BCAS3: variants seen among roughly 807,000 people sequenced by gnomAD.
The protein encoded by BCAS3 is BCAS4/BCAS3 fusion.
In BCAS3, 53 loss-of-function variants were observed where a neutral mutation model predicts 116.1. The observed-to-expected ratio is 0.46, with a 90% CI of 0.37 to 0.57. The LOEUF (loss-of-function observed/expected upper bound fraction) is 0.57. Among genes scored for constraint, BCAS3 ranks in the 20% least tolerant of loss-of-function variants. The pLI, the probability that BCAS3 is intolerant of heterozygous loss-of-function variation, is 0.00. For missense variants in BCAS3, 917 were observed against 1,165.4 expected (o/e 0.79, Z 3.10); for synonymous variants, 391 against 408.2 (o/e 0.96, Z 0.51).
At chr17:61,107,677 A>G (rs574572287) in intron 22 of BCAS3, among the ~76,000 whole-genome samples, 2 of 152,310 alleles carry the variant, frequency 1.3e-5, no homozygotes, top group African/African-American at 4.8e-5. Flanking sequence ...AAGTTATTGC[A>G]TGTATCAATA....
At chr17:61,310,724 C>T (rs1377586021) in intron 22 of BCAS3, among the ~76,000 whole-genome samples, 1 of 152,146 alleles carries the variant, frequency 6.6e-6, no homozygotes, top group Non-Finnish European at 1.5e-5. Context: ...GGCCTCTGTG[C>T]CCCGCCCTCC....
intron 22 of BCAS3, among the ~76,000 whole-genome samples, chr17:61,129,669 G>A (rs980177855): frequency 3.3e-5 from 5 of 152,210 alleles, no homozygotes; most frequent in African/African-American, 4.8e-5. Context: ...GCCCTTGGCT[G>A]TGCTGTTGGA....
chr17:61,015,624 G>C, intron 15 of BCAS3, 127 bp from the exon 16 acceptor site: 1 of 905,286 alleles, frequency 1.1e-6, no homozygotes, highest in East Asian at 2.4e-5. Context: ...AATTCTCTTG[G>C]CATCAATTCT....
Position 61,105,233 on chromosome 17 carries a change from G to A in BCAS3, c.2425+20669G>A, listed in dbSNP as rs2074568133. On this transcript the variant is annotated intron_variant, in intron 22 of 23. Transcript: ENST00000407086. This position sits in a 1 kb window ranked among gnomAD's most constrained non-coding sequence, Gnocchi z 4.3. Reference sequence around the variant, plus strand: ...ACCAGCCCAGTTTTCCACTCAGGTGGTTTACCCCAAAACCTGGCCTTTGCT... The same window carrying A: ...ACCAGCCCAGTTTTCCACTCAGGTGATTTACCCCAAAACCTGGCCTTTGCT... Among the ~76,000 whole-genome samples, 1 of 152,152 alleles carries A rather than the reference G, an allele frequency of 6.6e-6. No homozygotes were observed.
chr17:61,021,342 G>A lies in BCAS3; in HGVS notation c.1637+5441G>A. Among the ~76,000 whole-genome samples, 1 of 152,174 alleles carries A rather than the reference G, an allele frequency of 6.6e-6. No homozygotes were observed. The highest frequency in any genetic ancestry group is 1.9e-4 in the East Asian group (1 of 5,192). On this transcript the variant is annotated intron_variant, in intron 16 of 23. Transcript: ENST00000407086. This position sits in a 1 kb window ranked among gnomAD's most constrained non-coding sequence, Gnocchi z 4.6. ...CCCAAAGTGCTGGGATTATAGGCAT[G>A]AGCAACCGCACCCGGCCATGTTTAT...
chr17:60,808,108 C>T, intron 7 of BCAS3, 32 bp downstream of exon 7: 1 of 1,402,904 alleles, frequency 7.1e-7, no homozygotes, highest in South Asian at 1.2e-5. Context: ...TTTGTATCAC[C>T]TATTACAAAT....
In BCAS3 at chr17:60,874,654, A is replaced by G; in HGVS notation, c.585-8A>G. On this transcript the variant is annotated splice_polypyrimidine_tract_variant and splice_region_variant and intron_variant, in intron 8 of 23. Coordinates refer to ENST00000407086, the MANE Select transcript of BCAS3 (RefSeq NM_017679.5). The stretch of plus-strand genomic sequence containing the variant: ...TTCTTTCTGTTTTTTTTCTCTCTCT[A>G]ATTTTAGGATCCTTGTCGTAGTCTT... 1 of 1,590,736 alleles carries G rather than the reference A, an allele frequency of 6.3e-7. No individual in the cohort carries two copies. The highest frequency in any genetic ancestry group is 8.6e-7 in the Non-Finnish European group (1 of 1,163,558).
In BCAS3 at chr17:61,122,411, G is replaced by A. The variant is rs142936573; in HGVS notation, c.2425+37847G>A. 7.9e-5 allele frequency among the ~76,000 whole-genome samples: 12 copies of A among 152,310 alleles called. No individual in the cohort carries two copies. The highest frequency in any genetic ancestry group is 7.7e-4 in the East Asian group (4 of 5,176). On this transcript the variant is annotated intron_variant, in intron 22 of 23. Transcript: ENST00000407086. The surrounding 1 kb of genome is among the most constrained non-coding windows in gnomAD (Gnocchi z 4.6). ...TTTCCATCCAGACACTGGCTTAAAT[G>A]AAGGTATACTGAACTTGGAGATGTC...
chr17:61,099,796 G>A (rs144246908), intron 22 of BCAS3, among the ~76,000 whole-genome samples: 277 of 152,238 alleles, frequency 1.8e-3, no homozygotes, highest in Middle Eastern at 6.8e-3. Flanking sequence ...GCTCTTACTA[G>A]GCTAACTTTC....
Position 61,128,254 on chromosome 17 carries a change from G to A in BCAS3, c.2425+43690G>A. 2 of 985,398 alleles carry A rather than the reference G, an allele frequency of 2.0e-6. No homozygotes were observed. The highest frequency in any genetic ancestry group is 2.4e-6 in the Non-Finnish European group (2 of 829,914). The allele number at this position is 985,398 out of a possible 1,614,324, so 61.0% of individuals were successfully genotyped here. A position where few individuals can be genotyped will look rare whatever the true frequency, so the allele number is the denominator to read the frequency against. ...AGCCCATGCAATGAGGACAGCCTAG[G>A]CCGTGTTAGGCTTTGACTTAAATCA... On this transcript the variant is annotated intron_variant, in intron 22 of 23. Coordinates refer to ENST00000407086, the MANE Select transcript of BCAS3 (RefSeq NM_017679.5). The surrounding 1 kb of genome is among the most constrained non-coding windows in gnomAD (Gnocchi z 4.1).
chr17:61,074,978 T>C lies in BCAS3; in HGVS notation c.2088T>C (p.Ala696=), dbSNP rs748244362. The change falls in exon 20 of 24, where the codon GCT becomes GCC. Residue 696 remains alanine (A), a synonymous_variant. Coordinates refer to ENST00000407086, the MANE Select transcript of BCAS3 (RefSeq NM_017679.5). The part of the protein sequence containing the change: ...ITRHGSYDSL[A]SDHSGQEDEE... Reference sequence around the variant, plus strand: ...GACATGGGTCTTACGACAGTTTAGCTTCTGACCATAGTGGACAGGAAGATG... The same window carrying C: ...GACATGGGTCTTACGACAGTTTAGCCTCTGACCATAGTGGACAGGAAGATG... 7 of 1,613,740 alleles carry C rather than the reference T, an allele frequency of 4.3e-6. No individual in the cohort carries two copies. In the East Asian group the frequency reaches 1.1e-4, roughly 26 times the overall value.
At chr17:61,054,422 C>T (rs951663289) in intron 19 of BCAS3, among the ~76,000 whole-genome samples, 1 of 152,126 alleles carries the variant, frequency 6.6e-6, no homozygotes, top group Admixed American at 6.5e-5. Flanking sequence ...GCTGGAGTGC[C>T]GTGGCATGAT....
chr17:60,928,322 T>G (rs2059467766), intron 13 of BCAS3, among the ~76,000 whole-genome samples: 1 of 152,180 alleles, frequency 6.6e-6, no homozygotes, highest in South Asian at 2.1e-4. Flanking sequence ...AAAATAATGA[T>G]TCAGTGCCTG....
chr17:60,829,474 A>G (rs2050725315), intron 7 of BCAS3, among the ~76,000 whole-genome samples: 1 of 149,120 alleles, frequency 6.7e-6, no homozygotes, highest in Non-Finnish European at 1.5e-5. Flanking sequence ...AGCGTGGACA[A>G]TAGAGCAAGA....
intron 7 of BCAS3, among the ~76,000 whole-genome samples, chr17:60,812,124 G>T (rs569252051): frequency 2.4e-4 from 36 of 152,030 alleles, no homozygotes; most frequent in Non-Finnish European, 4.7e-4. Context: ...ATGTCTTGTT[G>T]TTAAGTTTTT....
intron 14 of BCAS3, among the ~76,000 whole-genome samples, chr17:60,983,440 A>C (rs1287812937): frequency 6.6e-6 from 1 of 152,120 alleles, no homozygotes; most frequent in African/African-American, 2.4e-5. Flanking sequence ...TATCCTCTGT[A>C]ATGTTATTTA....
chr17:61,027,905 T>C (rs2066372780), intron 16 of BCAS3, among the ~76,000 whole-genome samples: 1 of 151,906 alleles, frequency 6.6e-6, no homozygotes, highest in Admixed American at 6.6e-5. Context: ...AAAAATACCG[T>C]GTTTCAAAAG....
rs183500485 is a variant in BCAS3, at chr17:61,028,647, C to T, written c.1638-6019C>T. On this transcript the variant is annotated intron_variant, in intron 16 of 23. Coordinates refer to ENST00000407086, the MANE Select transcript of BCAS3 (RefSeq NM_017679.5). This position sits in a 1 kb window ranked among gnomAD's most constrained non-coding sequence, Gnocchi z 4.3. Reference sequence around the variant, plus strand: ...TAAAGTTCATTCCTTCAACAGCTTACGTGCTCCTCACATTTAAGCAAAAGC... The same window carrying T: ...TAAAGTTCATTCCTTCAACAGCTTATGTGCTCCTCACATTTAAGCAAAAGC... Among the ~76,000 whole-genome samples, 6 of 152,000 alleles carry T rather than the reference C, an allele frequency of 3.9e-5. No homozygotes were observed. The highest frequency in any genetic ancestry group is 2.1e-4 in the South Asian group (1 of 4,828).
At chr17:61,232,200 G>GAAAAAAA (rs71148394) in intron 22 of BCAS3, among the ~76,000 whole-genome samples, 79 of 72,014 alleles carry the variant, frequency 1.1e-3, no homozygotes, top group East Asian at 1.9e-3. Context: ...GAAAGACTCC[G>GAAAAAAA]AAAAAAAAAA....
Sources: gnomAD v4.1 joint callset for allele counts (sites outside exome capture counted in the v4.1 genomes callset) on GRCh38, gnomAD v4.1.1 for gene constraint, Gnocchi (gnomAD v3.1) non-coding constraint, MANE v1.5 for transcripts, NCBI Gene and HGNC (gene_info 2026-07-23, HGNC 2026-07-21) for gene names.